The following LGSN variants were observed in gnomAD, a reference collection of about 807,000 sequenced individuals.
LGSN encodes lengsin, lens protein with glutamine synthetase domain.
LGSN carries 21 observed loss-of-function variants against 19.5 expected under a neutral mutation model. The observed-to-expected ratio is 1.07, with a 90% CI of 0.76 to 1.55. The LOEUF is 1.55. Among genes scored for constraint, LGSN ranks in the 40% most tolerant of loss-of-function variants. LGSN has a pLI of 0.00. For synonymous variants in LGSN, 257 were observed against 215.6 expected (o/e 1.19, Z -1.68); for missense variants, 673 against 608.5 (o/e 1.11, Z -1.12).
At chr6:63,445,747 G>T in the LGSN span, among the ~76,000 whole-genome samples, 21 of 152,268 alleles carry the variant, frequency 1.4e-4, no homozygotes, top group African/African-American at 4.6e-4. Context: ...TAATATGTTT[G>T]GAAGCTTTAT....
the LGSN span, among the ~76,000 whole-genome samples, chr6:63,498,583 C>T: frequency 2.0e-4 from 30 of 152,218 alleles, no homozygotes; most frequent in Middle Eastern, 6.8e-3. Context: ...TCAAGGTTTG[C>T]TGTAGTCATG....
the LGSN span, among the ~76,000 whole-genome samples, chr6:63,412,700 A>AGGG: frequency 1.8e-4 from 25 of 138,836 alleles, no homozygotes; most frequent in African/African-American, 5.6e-4. Flanking sequence ...AGAAAGAAAG[A>AGGG]AAGAAAGAGG....
the LGSN span, among the ~76,000 whole-genome samples, chr6:63,566,722 T>C: frequency 6.6e-6 from 1 of 152,164 alleles, no homozygotes; most frequent in Admixed American, 6.5e-5. Context: ...TGGCAATTTC[T>C]TGAAATAAGA....
intron 1 of LGSN, among the ~76,000 whole-genome samples, chr6:63,312,650 G>T (rs942354142): frequency 9.9e-5 from 15 of 152,144 alleles, no homozygotes; most frequent in South Asian, 2.1e-4. Flanking sequence ...GTAGAATTGA[G>T]AAACACTACA....
rs1485828402 is a variant in LGSN, at chr6:63,290,829, T to G, written c.163+4084A>C. Among the ~76,000 whole-genome samples the G allele has an allele frequency of 3.9e-5, 6 of 152,320 alleles. No homozygotes were observed. The East Asian group carries it at 1.2e-3, about 29-fold the overall frequency. On this transcript the variant is annotated intron_variant, in intron 2 of 3. Coordinates refer to ENST00000370657, the MANE Select transcript of LGSN (RefSeq NM_016571.3). ...ACTGACCAGCAAGCTGAATTTAGCC[T>G]TTGGGCCATAGTCTGTTGCTCTCTG... is the stretch of plus-strand genomic sequence containing the variant.
chr6:63,402,374 A>T, the LGSN span, among the ~76,000 whole-genome samples: 2 of 151,748 alleles, frequency 1.3e-5, no homozygotes, highest in African/African-American at 4.9e-5. Flanking sequence ...TTTTTACAAG[A>T]GAGTAATTTA....
the LGSN span, among the ~76,000 whole-genome samples, chr6:63,403,101 C>CAG: frequency 0.01 from 1,492 of 148,852 alleles, 17 homozygotes; most frequent in South Asian, 0.026. Context: ...GAGAGAGAGA[C>CAG]AGAGAGAGAG....
the LGSN span, among the ~76,000 whole-genome samples, chr6:63,359,413 A>C: frequency 6.6e-6 from 1 of 152,224 alleles, no homozygotes; most frequent in East Asian, 1.9e-4. Context: ...GAATGGTACC[A>C]GGTCCTCCTT....
chr6:63,443,846 C>G, the LGSN span, among the ~76,000 whole-genome samples: 2 of 150,536 alleles, frequency 1.3e-5, no homozygotes, highest in Admixed American at 1.3e-4. Flanking sequence ...AGAAAGAAAA[C>G]ATAGCCATTT....
At chr6:63,437,699 G>A in the LGSN span, among the ~76,000 whole-genome samples, 11 of 152,188 alleles carry the variant, frequency 7.2e-5, no homozygotes, top group Admixed American at 2.6e-4. Context: ...TTGGGAGGCT[G>A]AGGCGGGCGG....
At chr6:63,444,202 T>C in the LGSN span, among the ~76,000 whole-genome samples, 1 of 151,884 alleles carries the variant, frequency 6.6e-6, no homozygotes, top group African/African-American at 2.4e-5. Context: ...CAACTCTAAG[T>C]AGTATGTTAT....
At chr6:63,408,922 T>C in the LGSN span, among the ~76,000 whole-genome samples, 1 of 152,212 alleles carries the variant, frequency 6.6e-6, no homozygotes, top group Non-Finnish European at 1.5e-5. Flanking sequence ...TATCTTTGTT[T>C]TTCTTTGAGA....
At chr6:63,287,744 G>A (rs1273585323) in intron 2 of LGSN, among the ~76,000 whole-genome samples, 2 of 151,956 alleles carry the variant, frequency 1.3e-5, no homozygotes, top group Non-Finnish European at 2.9e-5. Flanking sequence ...TTTAGATAAT[G>A]AGTATTCTAA....
chr6:63,341,976 C>A, the LGSN span, among the ~76,000 whole-genome samples: 4 of 152,134 alleles, frequency 2.6e-5, no homozygotes. Flanking sequence ...TGCAAAGGAA[C>A]AGGGATGGTG....
chr6:63,486,505 C>T, the LGSN span, among the ~76,000 whole-genome samples: 1 of 152,150 alleles, frequency 6.6e-6, no homozygotes, highest in African/African-American at 2.4e-5. Context: ...GCATGATCTT[C>T]ATGTGCACAT....
chr6:63,495,065 C>T, the LGSN span, among the ~76,000 whole-genome samples: 1 of 151,962 alleles, frequency 6.6e-6, no homozygotes, highest in African/African-American at 2.4e-5. Flanking sequence ...ACATTTAATT[C>T]ACTGTCCACT....
At chr6:63,557,459 G>C in the LGSN span, among the ~76,000 whole-genome samples, 1 of 152,156 alleles carries the variant, frequency 6.6e-6, no homozygotes, top group East Asian at 1.9e-4. Context: ...AGCTACTCAG[G>C]AGGCTGAGGC....
At chr6:63,502,465 TG>T in the LGSN span, among the ~76,000 whole-genome samples, 2 of 151,906 alleles carry the variant, frequency 1.3e-5, no homozygotes, top group Non-Finnish European at 2.9e-5. Context: ...AGGGAAAAAA[TG>T]GTAGGGAAAA....
chr6:63,425,879 T>C, the LGSN span, among the ~76,000 whole-genome samples: 2 of 152,146 alleles, frequency 1.3e-5, no homozygotes, highest in South Asian at 2.1e-4. Context: ...AGTTGTATTA[T>C]ATAAATAGTT....
Sources: gnomAD v4.1 joint callset for allele counts (sites outside exome capture counted in the v4.1 genomes callset) on GRCh38, gnomAD v4.1.1 for gene constraint, MANE v1.5 for transcripts, NCBI Gene and HGNC (gene_info 2026-07-23, HGNC 2026-07-21) for gene names.